The following CTNND2 variants were observed in gnomAD, a reference collection of about 807,000 sequenced individuals.
CTNND2 encodes the protein catenin delta-2.
In CTNND2, 22 loss-of-function variants were observed where a neutral mutation model predicts 144.4. That is an observed-to-expected ratio of 0.15 (90% confidence interval 0.11 to 0.22). CTNND2 has a LOEUF of 0.22. CTNND2 is among the 10% of genes least tolerant of loss of function. The probability of loss-of-function intolerance (pLI) is 1.00; values close to 1 mark genes in which losing one functional copy is unlikely to be tolerated. For synonymous variants in CTNND2, 751 were observed against 695.6 expected (o/e 1.08, Z -1.25); for missense variants, 1,353 against 1,618.8 (o/e 0.84, Z 2.82).
intron 2 of CTNND2, among the ~76,000 whole-genome samples, chr5:11,725,738 A>G (rs532062071): frequency 2.0e-5 from 3 of 152,308 alleles, no homozygotes; most frequent in African/African-American, 7.2e-5. Flanking sequence ...TCACATGTAC[A>G]TTTTATAGAA....
chr5:11,785,847 C>A (rs1790799322), intron 1 of CTNND2, among the ~76,000 whole-genome samples: 1 of 152,168 alleles, frequency 6.6e-6, no homozygotes, highest in African/African-American at 2.4e-5. Flanking sequence ...GGTGTTTGAA[C>A]TTGAGCACCT....
intron 9 of CTNND2, among the ~76,000 whole-genome samples, chr5:11,328,289 CTTTT>C (rs747493685): frequency 7.4e-6 from 1 of 135,790 alleles, no homozygotes; most frequent in African/African-American, 2.7e-5. Context: ...ACACAAAATT[CTTTT>C]TTTTTTTTTT....
chr5:11,812,841 T>C (rs1193745064), intron 1 of CTNND2, among the ~76,000 whole-genome samples: 1 of 152,020 alleles, frequency 6.6e-6, no homozygotes, highest in African/African-American at 2.4e-5. Context: ...GGAGCCCCCA[T>C]CAAAGCATGA....
At chr5:11,062,922 A>C (rs982767368) in intron 16 of CTNND2, among the ~76,000 whole-genome samples, 2 of 152,216 alleles carry the variant, frequency 1.3e-5, no homozygotes, top group Non-Finnish European at 2.9e-5. Context: ...GGTATTGCTT[A>C]ATGCCAGTGT....
intron 5 of CTNND2, among the ~76,000 whole-genome samples, chr5:11,401,779 A>C (rs1760672289): frequency 6.6e-6 from 1 of 152,206 alleles, no homozygotes; most frequent in Admixed American, 6.5e-5. Context: ...GTTAAACAAA[A>C]ATAGCAGATT....
At chr5:11,019,900 C>T (rs1196728271) in intron 17 of CTNND2, among the ~76,000 whole-genome samples, 1 of 152,100 alleles carries the variant, frequency 6.6e-6, no homozygotes, top group African/African-American at 2.4e-5. Flanking sequence ...GACAGATGAA[C>T]ATGATAGAAT....
intron 2 of CTNND2, among the ~76,000 whole-genome samples, chr5:11,579,505 A>T (rs1778247402): frequency 1.3e-5 from 2 of 152,204 alleles, no homozygotes; most frequent in South Asian, 4.1e-4. Flanking sequence ...TCATTATGTG[A>T]GACCACAGGG....
rs1483787331 is a variant in CTNND2 at position 11,384,314 on chromosome 5, C to CT, written c.1177+350dup. ...AATACTGCAACTGTTACTTGTTTTG[C>CT]TTTTTTTCTGGATACCATCAACAGG... On this transcript the variant is annotated intron_variant, in intron 7 of 21. Coordinates refer to ENST00000304623, the MANE Select transcript of CTNND2 (RefSeq NM_001332.4). The surrounding 1 kb of genome is among the most constrained non-coding windows in gnomAD (Gnocchi z 5.2). Among the ~76,000 whole-genome samples, 1 of 152,070 alleles carries CT rather than the reference C, an allele frequency of 6.6e-6. No individual in the cohort carries two copies. Among genetic ancestry groups the CT allele is most frequent in the African/African-American group, 2.4e-5 (1 of 41,414 alleles).
At chr5:11,850,232 C>T (rs979078665) in intron 1 of CTNND2, among the ~76,000 whole-genome samples, 5 of 152,004 alleles carry the variant, frequency 3.3e-5, no homozygotes, top group South Asian at 2.1e-4. Context: ...CATGGAAAGA[C>T]GTTTCACTCC....
At chr5:11,833,878 TCAA>T (rs1794037786) in intron 1 of CTNND2, among the ~76,000 whole-genome samples, 2 of 152,174 alleles carry the variant, frequency 1.3e-5, no homozygotes, top group Admixed American at 6.5e-5. Flanking sequence ...ACACATTTTG[TCAA>T]ACTTCACTGA....
At chr5:11,380,408 C>T (rs1339131812) in intron 7 of CTNND2, among the ~76,000 whole-genome samples, 2 of 152,108 alleles carry the variant, frequency 1.3e-5, no homozygotes, top group African/African-American at 2.4e-5. Flanking sequence ...ACATATGCTA[C>T]CTTATTTATG....
At chr5:11,492,061 G>A (rs1380562186) in intron 3 of CTNND2, among the ~76,000 whole-genome samples, 1 of 152,200 alleles carries the variant, frequency 6.6e-6, no homozygotes, top group Non-Finnish European at 1.5e-5. Flanking sequence ...CTTTAAGTGT[G>A]AGATGGAAAC....
Position 11,117,470 on chromosome 5 carries a change from T to A in CTNND2, c.2257A>T (p.Ser753Cys). The change falls in exon 13 of 22, where the codon AGC (serine) becomes TGC (cysteine). Residue 753 changes from serine (S) to cysteine (C), a missense_variant. Ser to Cys is a moderately radical substitution (Grantham distance 112). Around this residue, in one of 4 missense-constraint regions of CTNND2, gnomAD observed 459 missense variants for 674.3 expected, o/e 0.68. Transcript: ENST00000304623. ...LLYVIQSALG[S>C]SEIDSKTVEN... ...CCAACCTTGCTATCGATCTCACTGCTCCCCAGCGCAGACTGGATCACGTAC... is the reference window on the plus strand; with the variant it reads ...CCAACCTTGCTATCGATCTCACTGCACCCCAGCGCAGACTGGATCACGTAC... 6.2e-7 allele frequency: 1 copy of A among 1,613,830 alleles called. No homozygotes were observed. Among genetic ancestry groups the A allele is most frequent in the Non-Finnish European group, 8.5e-7 (1 of 1,179,842 alleles).
At chr5:11,825,322 T>A (rs1793542446) in intron 1 of CTNND2, among the ~76,000 whole-genome samples, 1 of 151,888 alleles carries the variant, frequency 6.6e-6, no homozygotes, top group Non-Finnish European at 1.5e-5. Flanking sequence ...ACAACAGAGC[T>A]GAAAAGTACC....
At chr5:11,013,874 T>C (rs1741341818) in intron 18 of CTNND2, among the ~76,000 whole-genome samples, 1 of 152,162 alleles carries the variant, frequency 6.6e-6, no homozygotes, top group Non-Finnish European at 1.5e-5. Flanking sequence ...GACTGGCAAC[T>C]TCTGTGCCAC....
intron 3 of CTNND2, among the ~76,000 whole-genome samples, chr5:11,473,608 T>A (rs1767445186): frequency 2.6e-5 from 4 of 152,144 alleles, no homozygotes; most frequent in Admixed American, 2.6e-4. Context: ...AATGGCTCCA[T>A]CGCTATTCCC....
intron 9 of CTNND2, among the ~76,000 whole-genome samples, chr5:11,254,942 A>G (rs965029357): frequency 4.6e-5 from 7 of 152,322 alleles, no homozygotes; most frequent in Non-Finnish European, 7.4e-5. Context: ...GTTCAGACCA[A>G]CATCTTTCTC....
chr5:11,461,029 C>T (rs1432509697), intron 3 of CTNND2, among the ~76,000 whole-genome samples: 3 of 151,264 alleles, frequency 2.0e-5, no homozygotes, highest in Admixed American at 6.6e-5. Context: ...GGCGACAGAG[C>T]GAGACTCTGG....
chr5:11,812,480 C>T (rs1403870362), intron 1 of CTNND2, among the ~76,000 whole-genome samples: 1 of 152,082 alleles, frequency 6.6e-6, no homozygotes, highest in Non-Finnish European at 1.5e-5. Flanking sequence ...TGGAGTTCTC[C>T]CAGCATCAAT....
Sources: allele counts gnomAD v4.1 joint callset (sites outside exome capture counted in the v4.1 genomes callset), GRCh38; gene constraint gnomAD v4.1.1; regional missense constraint gnomAD v4.1.1; non-coding constraint Gnocchi (gnomAD v3.1); transcripts MANE v1.5; gene names NCBI Gene and HGNC (gene_info 2026-07-23, HGNC 2026-07-21).